The following RNF152 variants were observed in gnomAD, a reference collection of about 807,000 sequenced individuals.
The protein encoded by RNF152 is E3 ubiquitin-protein ligase RNF152.
Under a neutral mutation model 12.7 loss-of-function variants are expected in RNF152, and 11 were observed. The observed-to-expected ratio is 0.86, with a 90% CI of 0.54 to 1.43. The LOEUF (loss-of-function observed/expected upper bound fraction) is 1.43. RNF152 is among the 40% of genes most tolerant of loss of function. The pLI, the probability that RNF152 is intolerant of heterozygous loss-of-function variation, is 0.00. For missense variants in RNF152, 255 were observed against 274.8 expected (o/e 0.93, Z 0.51); for synonymous variants, 113 against 120.3 (o/e 0.94, Z 0.40).
intron 1 of RNF152, among the ~76,000 whole-genome samples, chr18:61,866,757 G>A (rs1002777432): frequency 5.9e-5 from 9 of 152,206 alleles, no homozygotes; most frequent in Admixed American, 4.6e-4. Context: ...CCGGGGGTGT[G>A]ACCTCAAAGC....
chr18:61,863,827 G>A (rs1177958910), intron 1 of RNF152, among the ~76,000 whole-genome samples: 2 of 152,216 alleles, frequency 1.3e-5, no homozygotes, highest in African/African-American at 4.8e-5. Context: ...GGAAGTCAGA[G>A]CCAGGGCGGA....
intron 1 of RNF152, among the ~76,000 whole-genome samples, chr18:61,869,766 CAT>C (rs2144734112): frequency 6.6e-6 from 1 of 152,324 alleles, no homozygotes; most frequent in African/African-American, 2.4e-5. Flanking sequence ...CACGCACACA[CAT>C]GCACACACCC....
chr18:61,848,323 C>A lies in RNF152; in HGVS notation c.-135-31725G>T, dbSNP rs546169572. Reference sequence around the variant, plus strand: ...TATTTTTGCAAGATATCAGTGCTTCCACAATTTTTCTAACCATTAGTAATT... The same window carrying A: ...TATTTTTGCAAGATATCAGTGCTTCAACAATTTTTCTAACCATTAGTAATT... On this transcript the variant is annotated intron_variant, in intron 1 of 1. Transcript: ENST00000312828. Among the ~76,000 whole-genome samples the A allele has an allele frequency of 5.3e-5, 8 of 152,262 alleles. No individual in the cohort carries two copies. In the East Asian group the frequency reaches 1.5e-3, roughly 29 times the overall value.
chr18:61,860,178 A>G (rs1911403007), intron 1 of RNF152, among the ~76,000 whole-genome samples: 1 of 152,190 alleles, frequency 6.6e-6, no homozygotes, highest in Non-Finnish European at 1.5e-5. Context: ...TCAGAAGTGC[A>G]TGGGCCTGCC....
intron 1 of RNF152, among the ~76,000 whole-genome samples, chr18:61,853,897 C>T (rs1177687703): frequency 6.6e-6 from 1 of 152,112 alleles, no homozygotes; most frequent in Admixed American, 6.6e-5. Flanking sequence ...GTCCATTATT[C>T]ACCACAGAGT....
chr18:61,820,260 C>T (rs1361895158), intron 1 of RNF152, among the ~76,000 whole-genome samples: 5 of 125,654 alleles, frequency 4.0e-5, no homozygotes, highest in African/African-American at 1.5e-4. Context: ...ACCCAGGGGG[C>T]GGAGCTTGCA....
At chr18:61,820,224 G>C (rs1909323465) in intron 1 of RNF152, among the ~76,000 whole-genome samples, 1 of 149,490 alleles carries the variant, frequency 6.7e-6, no homozygotes. Context: ...AGCTACTCGG[G>C]AGGCTGAGGC....
chr18:61,870,990 C>T (rs1015584320), intron 1 of RNF152, among the ~76,000 whole-genome samples: 1 of 152,172 alleles, frequency 6.6e-6, no homozygotes, highest in Non-Finnish European at 1.5e-5. Flanking sequence ...CTGATAATGG[C>T]ACCCCAAGGC....
intron 1 of RNF152, among the ~76,000 whole-genome samples, chr18:61,881,585 A>C (rs9946472): frequency 0.32 from 48,482 of 152,000 alleles, 8,687 homozygotes; most frequent in Middle Eastern, 0.44. Context: ...AAGACATGAA[A>C]TCAAATGAAT....
intron 1 of RNF152, among the ~76,000 whole-genome samples, chr18:61,864,343 G>A (rs1911634540): frequency 6.6e-6 from 1 of 152,202 alleles, no homozygotes; most frequent in African/African-American, 2.4e-5. Flanking sequence ...CTGTGAGAAT[G>A]GCTGGCAGAA....
intron 1 of RNF152, among the ~76,000 whole-genome samples, chr18:61,845,537 G>A (rs947402497): frequency 6.6e-6 from 1 of 152,194 alleles, no homozygotes; most frequent in Admixed American, 6.5e-5. Context: ...AGTCAAAACA[G>A]TTGCTTCCCT....
chr18:61,873,353 T>C (rs1912075462), intron 1 of RNF152, among the ~76,000 whole-genome samples: 1 of 152,228 alleles, frequency 6.6e-6, no homozygotes, highest in African/African-American at 2.4e-5. Flanking sequence ...TTGTTTGTTT[T>C]TTGAGACAGA....
intron 1 of RNF152, among the ~76,000 whole-genome samples, chr18:61,859,805 G>C (rs1245127062): frequency 6.6e-6 from 1 of 151,976 alleles, no homozygotes; most frequent in Non-Finnish European, 1.5e-5. Context: ...CTTGAATCCA[G>C]GAGGTGGAGG....
chr18:61,889,524 A>C (rs1912853298), intron 1 of RNF152, among the ~76,000 whole-genome samples: 2 of 152,138 alleles, frequency 1.3e-5, no homozygotes, highest in African/African-American at 4.8e-5. Context: ...AACTCTTTTT[A>C]GGGAGAGTGA....
chr18:61,841,061 G>A (rs1910432899), intron 1 of RNF152, among the ~76,000 whole-genome samples: 1 of 152,238 alleles, frequency 6.6e-6, no homozygotes, highest in African/African-American at 2.4e-5. Flanking sequence ...AAAGACCCAT[G>A]GGGCACATGG....
intron 1 of RNF152, 150 bp from the exon 2 acceptor site, chr18:61,816,748 T>C: frequency 3.0e-6 from 1 of 333,750 alleles, no homozygotes; most frequent in Non-Finnish European, 5.5e-6. Flanking sequence ...AGGATTCCCA[T>C]AACGCCCAGT....
intron 1 of RNF152, among the ~76,000 whole-genome samples, chr18:61,848,688 G>C (rs975797670): frequency 1.3e-5 from 2 of 152,214 alleles, no homozygotes; most frequent in African/African-American, 4.8e-5. Flanking sequence ...CAGGGTGGAG[G>C]GGGCAAGACA....
intron 1 of RNF152, among the ~76,000 whole-genome samples, chr18:61,878,111 C>T (rs1912295222): frequency 6.6e-6 from 1 of 152,186 alleles, no homozygotes; most frequent in East Asian, 1.9e-4. Context: ...ATCTCATTTC[C>T]ATATACATCC....
chr18:61,854,850 GAA>G (rs1186510518), intron 1 of RNF152, among the ~76,000 whole-genome samples: 1 of 152,192 alleles, frequency 6.6e-6, no homozygotes, highest in African/African-American at 2.4e-5. Flanking sequence ...AACCTGACGT[GAA>G]AATAGCAGGC....
Sources: gnomAD v4.1 joint callset for allele counts (sites outside exome capture counted in the v4.1 genomes callset) on GRCh38, gnomAD v4.1.1 for gene constraint, MANE v1.5 for transcripts, NCBI Gene and HGNC (gene_info 2026-07-23, HGNC 2026-07-21) for gene names.